Variants in ALDH7A1 observed in about 807,000 individuals in gnomAD.
ALDH7A1 encodes alpha-aminoadipic semialdehyde dehydrogenase.
In ALDH7A1, 63 loss-of-function variants were observed where a neutral mutation model predicts 79.9. The observed-to-expected ratio is 0.79, with a 90% CI of 0.64 to 0.97. The LOEUF is 0.97. Among genes scored for constraint, ALDH7A1 ranks in the 50% least tolerant of loss-of-function variants. ALDH7A1 has a pLI of 0.00. For missense variants in ALDH7A1, 627 were observed against 665.2 expected, an observed-to-expected ratio of 0.94 and a Z score of 0.63; for synonymous variants, 240 against 231.2, an observed-to-expected ratio of 1.04 and a Z score of -0.34.
intron 5 of ALDH7A1, among the ~76,000 whole-genome samples, chr5:126,582,378 A>T (rs1276329242): frequency 6.6e-6 from 1 of 152,228 alleles, no homozygotes; most frequent in East Asian, 1.9e-4. Context: ...GGGGAAGACA[A>T]CCTTCACAAA....
At chr5:126,579,277 A>C (rs1751089147) in intron 5 of ALDH7A1, among the ~76,000 whole-genome samples, 1 of 152,112 alleles carries the variant, frequency 6.6e-6, no homozygotes, top group African/African-American at 2.4e-5. Flanking sequence ...CTTTAAAACA[A>C]CTTCCAGCAC....
At chr5:126,552,194 G>A in intron 13 of ALDH7A1, 57 bp from the exon 14 acceptor site, 1 of 1,358,978 alleles carries the variant, frequency 7.4e-7, no homozygotes, top group East Asian at 2.3e-5. Context: ...TAGGACTTGG[G>A]GTCAGAGGAT....
At chr5:126,559,428 GTTTTGGTTTT>G in intron 10 of ALDH7A1, 94 bp from the exon 11 acceptor site, 50 of 718,574 alleles carry the variant, frequency 7.0e-5, no homozygotes, top group South Asian at 7.0e-5. Flanking sequence ...TTTGTTTTTG[GTTTTGGTTTT>G]TTTTTTTTTT....
intron 2 of ALDH7A1, 79 bp downstream of exon 2, chr5:126,593,272 A>C: frequency 2.5e-6 from 4 of 1,582,246 alleles, no homozygotes; most frequent in Non-Finnish European, 3.4e-6. Context: ...CCTCTAAAGA[A>C]AGCCTGCACA....
At chr5:126,545,179 T>A (rs539897077) in intron 17 of ALDH7A1, among the ~76,000 whole-genome samples, 160 bp from the exon 18 acceptor site, 1 of 152,324 alleles carries the variant, frequency 6.6e-6, no homozygotes, top group Admixed American at 6.5e-5. Context: ...AATGTTAGTA[T>A]GGATCCCGTT....
intron 1 of ALDH7A1, among the ~76,000 whole-genome samples, chr5:126,594,763 T>G (rs540831525): frequency 7.9e-4 from 120 of 152,132 alleles, no homozygotes; most frequent in Non-Finnish European, 1.4e-3. Flanking sequence ...ATGTTTTAAA[T>G]ATGCGCGGGA....
At position 126,572,413 on chromosome 5, in the gene ALDH7A1, G is replaced by A. The variant is rs148205902; in HGVS notation, c.696-1554C>T. ...TAGACTGTACTCTCTTTAAGGGCAA[G>A]GCTTTTGTTTTGTGCCTATGGGTAA... On this transcript the variant is annotated intron_variant, in intron 7 of 17. Coordinates refer to ENST00000409134, the MANE Select transcript of ALDH7A1 (RefSeq NM_001182.5). Among the ~76,000 whole-genome samples, 265 of 152,296 alleles carry A rather than the reference G, an allele frequency of 1.7e-3. 1 individual carries two copies. The highest frequency in any genetic ancestry group is 6.8e-3 in the Middle Eastern group (2 of 292).
intron 12 of ALDH7A1, chr5:126,555,427 G>A (rs1220025090): frequency 2.7e-5 from 4 of 148,862 alleles, no homozygotes; most frequent in East Asian, 1.9e-4. Context: ...AGGCTGCAGT[G>A]AGCTGAGATC....
At chr5:126,583,261 A>C (rs1050577273) in intron 4 of ALDH7A1, among the ~76,000 whole-genome samples, 6 of 151,976 alleles carry the variant, frequency 3.9e-5, no homozygotes, top group Non-Finnish European at 8.8e-5. Context: ...CGGGCGGATC[A>C]CCTGAGGTCA....
In ALDH7A1 at chr5:126,579,035, G is replaced by A. The variant is rs1751080938; in HGVS notation, c.518-1824C>T. ...GGCAGGGCCTGCCTCCTCCTCTCCA[G>A]CCCTCCCATCTCTGCCCTGATGTCA... On this transcript the variant is annotated intron_variant, in intron 5 of 17. Transcript: ENST00000409134. Among the ~76,000 whole-genome samples, 3 of 152,104 alleles carry A rather than the reference G, an allele frequency of 2.0e-5. No homozygotes were observed. In the South Asian group the frequency reaches 6.2e-4, roughly 32 times the overall value.
intron 1 of ALDH7A1, chr5:126,593,758 C>A: frequency 2.7e-6 from 1 of 369,526 alleles, no homozygotes; most frequent in Non-Finnish European, 5.1e-6. Context: ...ACCCTCTGCT[C>A]AGAGATGAAA....
Position 126,544,832 on chromosome 5 carries a change from G to C in ALDH7A1, c.*133C>G. 1.4e-6 allele frequency: 1 copy of C among 731,350 alleles called. No individual in the cohort carries two copies. The highest frequency in any genetic ancestry group is 2.4e-6 in the Non-Finnish European group (1 of 411,664). 45.3% of individuals were successfully genotyped at this position (731,350 alleles called of 1,614,324 possible). On this transcript the variant is annotated 3_prime_UTR_variant, in exon 18 of 18. Coordinates refer to ENST00000409134, the MANE Select transcript of ALDH7A1 (RefSeq NM_001182.5). ...ATCTCTTGATTTAATCAGGGCTTTG[G>C]GGTCATAGGGGGATTAGTCACTGTC...
chr5:126,563,186 G>A (rs942115657), intron 9 of ALDH7A1, among the ~76,000 whole-genome samples: 1 of 152,128 alleles, frequency 6.6e-6, no homozygotes, highest in African/African-American at 2.4e-5. Context: ...GGCCCATAAG[G>A]CCACCACAAA....
chr5:126,594,974 G>A, intron 1 of ALDH7A1, 33 bp downstream of exon 1: 2 of 1,561,276 alleles, frequency 1.3e-6, no homozygotes, highest in Non-Finnish European at 1.7e-6. Flanking sequence ...GCGAGCCCCG[G>A]CGGCTGCAGA....
At chr5:126,559,015 T>C (rs566552753) in intron 11 of ALDH7A1, among the ~76,000 whole-genome samples, 2 of 152,292 alleles carry the variant, frequency 1.3e-5, no homozygotes, top group South Asian at 2.1e-4. Flanking sequence ...CTCCAGTCAA[T>C]TGGTAGTGGA....
At chr5:126,574,386 A>G (rs7737256) in intron 7 of ALDH7A1, among the ~76,000 whole-genome samples, 21,291 of 150,096 alleles carry the variant, frequency 0.14, 1,911 homozygotes, top group African/African-American at 0.25. Flanking sequence ...GCGACAGAGC[A>G]AGACTCCATC....
At chr5:126,556,088 G>T in intron 11 of ALDH7A1, 73 bp from the exon 12 acceptor site, 1 of 969,490 alleles carries the variant, frequency 1.0e-6, no homozygotes, top group Non-Finnish European at 1.6e-6. Context: ...TAATTTCCTT[G>T]ATAGTTACTG....
At chr5:126,585,108 G>A (rs928132053) in intron 3 of ALDH7A1, among the ~76,000 whole-genome samples, 1 of 152,108 alleles carries the variant, frequency 6.6e-6, no homozygotes, top group African/African-American at 2.4e-5. Flanking sequence ...GACGAGCCTG[G>A]CCAACATGGT....
intron 16 of ALDH7A1, among the ~76,000 whole-genome samples, chr5:126,549,154 T>C (rs1581356099): frequency 1.3e-5 from 2 of 148,246 alleles, no homozygotes; most frequent in African/African-American, 5.0e-5. Flanking sequence ...ATTAAATTAG[T>C]ACAAAAGGAG....
Sources: allele counts gnomAD v4.1 joint callset (sites outside exome capture counted in the v4.1 genomes callset), GRCh38; gene constraint gnomAD v4.1.1; transcripts MANE v1.5; gene names NCBI Gene and HGNC (gene_info 2026-07-23, HGNC 2026-07-21).